The following PPME1 variants were observed in gnomAD, a reference collection of about 807,000 sequenced individuals.
PPME1 encodes the protein testicular secretory protein Li 39.
Under a neutral mutation model 56.9 loss-of-function variants are expected in PPME1, and 17 were observed. The observed-to-expected ratio is 0.30, with a 90% CI of 0.20 to 0.45. The LOEUF is 0.45. Ranked by LOEUF, PPME1 falls within the 20% of genes least tolerant of loss-of-function variation. The probability of loss-of-function intolerance (pLI) is 1.00; values close to 1 mark genes in which losing one functional copy is unlikely to be tolerated. For synonymous variants in PPME1, 122 were observed against 156.2 expected, an observed-to-expected ratio of 0.78 and a Z score of 1.63; for missense variants, 357 against 483.2, an observed-to-expected ratio of 0.74 and a Z score of 2.45.
At chr11:74,213,639 G>C (rs1345676405) in intron 3 of PPME1, among the ~76,000 whole-genome samples, 3 of 152,214 alleles carry the variant, frequency 2.0e-5, no homozygotes, top group African/African-American at 7.2e-5. Flanking sequence ...CACAGAGAGA[G>C]ACCCCATTTA....
intron 12 of PPME1, 22 bp downstream of exon 12, chr11:74,251,040 T>G: frequency 6.3e-7 from 1 of 1,577,436 alleles, no homozygotes; most frequent in Non-Finnish European, 8.6e-7. Context: ...GCTCAGTGAC[T>G]GTAAAAGGAC....
intron 1 of PPME1, among the ~76,000 whole-genome samples, chr11:74,178,563 C>G (rs1480830811): frequency 6.6e-6 from 1 of 152,150 alleles, no homozygotes; most frequent in African/African-American, 2.4e-5. Flanking sequence ...TGGCCCAAAT[C>G]CTGAGGTTAA....
intron 7 of PPME1, among the ~76,000 whole-genome samples, chr11:74,233,986 TAATG>T (rs1859131818): frequency 6.6e-6 from 1 of 152,204 alleles, no homozygotes; most frequent in Admixed American, 6.5e-5. Context: ...AGGAGAGTAA[TAATG>T]GTAAACATAG....
chr11:74,240,179 C>T (rs1049072059), intron 9 of PPME1, among the ~76,000 whole-genome samples: 3 of 152,108 alleles, frequency 2.0e-5, no homozygotes, highest in African/African-American at 7.2e-5. Flanking sequence ...CACACCTTAG[C>T]ACTTTTTTTT....
chr11:74,176,894 C>G (rs374447239), intron 1 of PPME1, among the ~76,000 whole-genome samples: 2 of 151,666 alleles, frequency 1.3e-5, no homozygotes, highest in South Asian at 4.2e-4. Context: ...CCACACCCAG[C>G]TAATTTTTGT....
intron 1 of PPME1, among the ~76,000 whole-genome samples, chr11:74,181,388 A>C (rs1490195442): frequency 6.6e-6 from 1 of 152,066 alleles, no homozygotes; most frequent in Non-Finnish European, 1.5e-5. Flanking sequence ...CTCATGAAGC[A>C]CTTTCAGACT....
At chr11:74,245,454 A>G (rs1000012989) in intron 9 of PPME1, among the ~76,000 whole-genome samples, 2 of 152,152 alleles carry the variant, frequency 1.3e-5, no homozygotes, top group Non-Finnish European at 2.9e-5. Flanking sequence ...ATTTGATTGC[A>G]TACTCTGTGC....
At chr11:74,213,604 C>G (rs1858538535) in intron 3 of PPME1, among the ~76,000 whole-genome samples, 1 of 152,176 alleles carries the variant, frequency 6.6e-6, no homozygotes, top group African/African-American at 2.4e-5. Flanking sequence ...TTGTGTCACT[C>G]CACCCCCAGC....
At chr11:74,181,273 C>T (rs1857529894) in intron 1 of PPME1, among the ~76,000 whole-genome samples, 1 of 151,562 alleles carries the variant, frequency 6.6e-6, no homozygotes, top group Non-Finnish European at 1.5e-5. Flanking sequence ...TGGTCTCGAT[C>T]TCCTGACCTC....
chr11:74,203,436 T>C (rs569216860), intron 1 of PPME1, among the ~76,000 whole-genome samples: 1 of 152,316 alleles, frequency 6.6e-6, no homozygotes, highest in South Asian at 2.1e-4. Context: ...CAGAATTTAT[T>C]TGTGATTAAA....
chr11:74,188,678 A>G (rs552643957), intron 1 of PPME1, among the ~76,000 whole-genome samples: 14 of 152,364 alleles, frequency 9.2e-5, no homozygotes, highest in African/African-American at 2.2e-4. Flanking sequence ...ATGTATGTAT[A>G]TGGTGCTCAA....
At chr11:74,253,462 G>C (rs1859756237) in intron 13 of PPME1, 30 bp from the exon 14 acceptor site, 2 of 1,596,438 alleles carry the variant, frequency 1.3e-6, no homozygotes, top group African/African-American at 2.7e-5. Flanking sequence ...AGTTACATTT[G>C]TTTTTCCTTC....
At chr11:74,218,796 T>C (rs1184925587) in intron 3 of PPME1, among the ~76,000 whole-genome samples, 4 of 152,094 alleles carry the variant, frequency 2.6e-5, no homozygotes, top group African/African-American at 4.8e-5. Context: ...AAAGAAAACA[T>C]TGAGAAAACT....
chr11:74,171,485 A>T lies in PPME1; in HGVS notation c.64A>T (p.Ser22Cys). The T allele has an allele frequency of 6.2e-7, 1 of 1,613,438 alleles. No individual in the cohort carries two copies. The highest frequency in any genetic ancestry group is 8.5e-7 in the Non-Finnish European group (1 of 1,179,796). The change falls in exon 1 of 14, where the codon AGC (serine) becomes TGC (cysteine). Residue 22 changes from serine to cysteine, a missense_variant. Ser to Cys is a moderately radical substitution (Grantham distance 112, BLOSUM62 -1). Coordinates refer to ENST00000328257, the MANE Select transcript of PPME1 (RefSeq NM_016147.3). Reference protein sequence around the residue: ...RLPSRPPLPGSGGSQSGAKMR... With the variant: ...RLPSRPPLPGCGGSQSGAKMR... ...TCCCTCTCGCCCACCTCTACCCGGC[A>T]GCGGGGGCAGTCAGAGCGGAGCCAA...
At chr11:74,179,323 G>A (rs1162235014) in intron 1 of PPME1, among the ~76,000 whole-genome samples, 1 of 152,092 alleles carries the variant, frequency 6.6e-6, no homozygotes. Context: ...GGAAAAACTT[G>A]TCTGTACTAA....
chr11:74,176,344 C>T (rs183478603), intron 1 of PPME1, among the ~76,000 whole-genome samples: 24 of 152,190 alleles, frequency 1.6e-4, no homozygotes, highest in African/African-American at 5.8e-4. Context: ...ATGAGCTATT[C>T]ACACAGATGG....
chr11:74,202,487 G>T (rs77423504), intron 1 of PPME1, among the ~76,000 whole-genome samples: 4,682 of 152,212 alleles, frequency 0.031, 220 homozygotes, highest in African/African-American at 0.1. Flanking sequence ...AGTCAACTAG[G>T]AGTGCTTTTA....
chr11:74,189,514 C>G (rs896176150), intron 1 of PPME1, among the ~76,000 whole-genome samples: 35 of 152,154 alleles, frequency 2.3e-4, no homozygotes, highest in Non-Finnish European at 3.4e-4. Context: ...GTTTCAAACC[C>G]CTAGGCTTAA....
chr11:74,184,638 C>A (rs1857625250), intron 1 of PPME1, among the ~76,000 whole-genome samples: 1 of 152,166 alleles, frequency 6.6e-6, no homozygotes, highest in Non-Finnish European at 1.5e-5. Flanking sequence ...CTTGTGAATC[C>A]TTTTCCCATC....
Sources: allele counts gnomAD v4.1 joint callset (sites outside exome capture counted in the v4.1 genomes callset), GRCh38; gene constraint gnomAD v4.1.1; transcripts MANE v1.5; gene names NCBI Gene and HGNC (gene_info 2026-07-23, HGNC 2026-07-21).